PDIA5: variants seen among roughly 807,000 people sequenced by gnomAD.
PDIA5 encodes protein disulfide-isomerase A5.
In PDIA5, 58 loss-of-function variants were observed where a neutral mutation model predicts 77.6. The ratio of observed to expected loss-of-function variants is 0.75; its 90% confidence interval spans 0.61 to 0.93. PDIA5 has a LOEUF of 0.93. Ranked by LOEUF, PDIA5 falls within the 40% of genes least tolerant of loss-of-function variation. The pLI, the probability that PDIA5 is intolerant of heterozygous loss-of-function variation, is 0.00. For synonymous variants in PDIA5, 250 were observed against 252.1 expected (o/e 0.99, Z 0.08); for missense variants, 630 against 647.7 (o/e 0.97, Z 0.30).
intron 7 of PDIA5, among the ~76,000 whole-genome samples, chr3:123,112,044 G>A (rs1934875440): frequency 1.3e-5 from 2 of 152,192 alleles, no homozygotes; most frequent in African/African-American, 4.8e-5. Flanking sequence ...TACCAACAGA[G>A]TTGAGTCTTG....
intron 1 of PDIA5, among the ~76,000 whole-genome samples, chr3:123,080,205 G>T (rs901620985): frequency 6.6e-6 from 1 of 152,140 alleles, no homozygotes; most frequent in Non-Finnish European, 1.5e-5. Context: ...GATGATATGG[G>T]TATGGTGTAG....
intron 6 of PDIA5, among the ~76,000 whole-genome samples, chr3:123,109,896 A>T (rs1934822096): frequency 6.6e-6 from 1 of 152,240 alleles, no homozygotes; most frequent in South Asian, 2.1e-4. Flanking sequence ...ACTCCTCTTT[A>T]TCGGTTTTAA....
intron 3 of PDIA5, 138 bp from the exon 4 acceptor site, chr3:123,102,273 A>C: frequency 1.5e-6 from 1 of 678,542 alleles, no homozygotes; most frequent in African/African-American, 1.8e-5. Context: ...CTCACAGCCC[A>C]TCTATAGTAA....
At chr3:123,121,072 C>G (rs576241347) in intron 8 of PDIA5, among the ~76,000 whole-genome samples, 1 of 152,352 alleles carries the variant, frequency 6.6e-6, no homozygotes, top group Admixed American at 6.5e-5. Flanking sequence ...TATTTCAAGC[C>G]TTTCCCAAAG....
chr3:123,094,296 T>C (rs1934377800), intron 3 of PDIA5, among the ~76,000 whole-genome samples: 1 of 152,250 alleles, frequency 6.6e-6, no homozygotes, highest in African/African-American at 2.4e-5. Context: ...AGGTGAATTA[T>C]GGAGCCAAAG....
At chr3:123,108,885 CA>C (rs375336044) in intron 6 of PDIA5, among the ~76,000 whole-genome samples, 3 of 151,176 alleles carry the variant, frequency 2.0e-5, no homozygotes, top group African/African-American at 7.3e-5. Flanking sequence ...GACTCCTTCT[CA>C]AAAAAAAGCA....
chr3:123,140,083 T>A (rs1935589191), intron 11 of PDIA5, among the ~76,000 whole-genome samples: 1 of 152,094 alleles, frequency 6.6e-6, no homozygotes, highest in Non-Finnish European at 1.5e-5. Context: ...GAAGCCTGAG[T>A]GGCTGATGTA....
rs781712264 is a variant in PDIA5 at position 123,092,392 on chromosome 3, A to G, written c.207A>G (p.Thr69=). 44 of 1,613,666 alleles carry G rather than the reference A, an allele frequency of 2.7e-5. No homozygotes were observed. In the East Asian group the frequency reaches 3.1e-4, roughly 11 times the overall value. ...AAAATCATCTCAGGTTACTGTCCAC[A>G]GTGGCCCAGGCGGTGAAAGGACAAG... is the stretch of plus-strand genomic sequence containing the variant. The part of the protein sequence containing the change: ...AAENHLRLLS[T]VAQAVKGQGT... Residue 69 remains threonine (T), a synonymous_variant, in exon 3 of 17, where the codon ACA becomes ACG. Transcript: ENST00000316218.
At chr3:123,152,540 T>C (rs1935937453) in intron 14 of PDIA5, among the ~76,000 whole-genome samples, 1 of 152,224 alleles carries the variant, frequency 6.6e-6, no homozygotes, top group Admixed American at 6.5e-5. Flanking sequence ...CCTATTTTTA[T>C]ATATAAATAT....
chr3:123,153,916 T>C (rs2673340), intron 14 of PDIA5, among the ~76,000 whole-genome samples: 81,679 of 152,100 alleles, frequency 0.54, 22,416 homozygotes, highest in African/African-American at 0.66. Context: ...TGAGGGAGGC[T>C]GGCTGACGTA....
At chr3:123,072,639 A>C (rs759889494) in intron 1 of PDIA5, among the ~76,000 whole-genome samples, 27 of 152,210 alleles carry the variant, frequency 1.8e-4, no homozygotes, top group Non-Finnish European at 3.8e-4. Flanking sequence ...AGAAGGGCTC[A>C]GGATGTAAGT....
chr3:123,070,628 G>A (rs1301320341), intron 1 of PDIA5, among the ~76,000 whole-genome samples: 2 of 152,132 alleles, frequency 1.3e-5, no homozygotes, highest in Non-Finnish European at 2.9e-5. Context: ...TGGACACAGG[G>A]GCAGGAGGTA....
chr3:123,082,648 C>T (rs1242086797), intron 1 of PDIA5, among the ~76,000 whole-genome samples: 1 of 152,012 alleles, frequency 6.6e-6, no homozygotes, highest in Admixed American at 6.5e-5. Flanking sequence ...AGAGGTGGTC[C>T]CCGTGTTACT....
chr3:123,151,734 T>TGCCTGCCTG (rs1553805734), intron 14 of PDIA5, among the ~76,000 whole-genome samples: 2 of 111,474 alleles, frequency 1.8e-5, no homozygotes, highest in African/African-American at 3.6e-5. Context: ...ACTCCTTCCT[T>TGCCTGCCTG]CCTGCCTGCC....
At chr3:123,094,956 G>A (rs150373587) in intron 3 of PDIA5, among the ~76,000 whole-genome samples, 1 of 152,158 alleles carries the variant, frequency 6.6e-6, no homozygotes, top group Admixed American at 6.5e-5. Flanking sequence ...GGCAGGTGAG[G>A]GGAACAGGGA....
chr3:123,108,222 A>G (rs1272599978), intron 6 of PDIA5, among the ~76,000 whole-genome samples: 1 of 151,886 alleles, frequency 6.6e-6, no homozygotes, highest in East Asian at 1.9e-4. Context: ...ATTCAAATTA[A>G]GGACTGGGCA....
intron 8 of PDIA5, among the ~76,000 whole-genome samples, chr3:123,117,825 G>A (rs1187342787): frequency 1.3e-5 from 2 of 152,038 alleles, no homozygotes; most frequent in East Asian, 3.9e-4. Context: ...AATTCTTTTG[G>A]ATATCTGTTT....
At chr3:123,107,428 G>A (rs566129006) in intron 6 of PDIA5, among the ~76,000 whole-genome samples, 41 of 152,274 alleles carry the variant, frequency 2.7e-4, no homozygotes, top group African/African-American at 9.4e-4. Flanking sequence ...GGTAGCGGGT[G>A]CCTGTGATCC....
At chr3:123,111,155 C>A in intron 7 of PDIA5, 151 bp downstream of exon 7, 2 of 666,730 alleles carry the variant, frequency 3.0e-6, no homozygotes, top group African/African-American at 1.8e-5. Context: ...GCCTCTTTTC[C>A]TTCATCTTTG....
Sources: allele counts gnomAD v4.1 joint callset (sites outside exome capture counted in the v4.1 genomes callset), GRCh38; gene constraint gnomAD v4.1.1; transcripts MANE v1.5; gene names NCBI Gene and HGNC (gene_info 2026-07-23, HGNC 2026-07-21).